RGS6: variants seen among roughly 807,000 people sequenced by gnomAD.
The protein encoded by RGS6 is regulator of G protein signaling 6, also known as regulator of G-protein signaling 6.
RGS6 carries 30 observed loss-of-function variants against 78.5 expected under a neutral mutation model. The observed-to-expected ratio is 0.38, with a 90% CI of 0.29 to 0.52. The LOEUF is 0.52. Among genes scored for constraint, RGS6 ranks in the 20% least tolerant of loss-of-function variants. The pLI is 0.85. For missense variants in RGS6, 495 were observed against 609.7 expected (o/e 0.81, Z 1.98); for synonymous variants, 206 against 206.0 (o/e 1.00, Z 0.00).
intron 2 of RGS6, among the ~76,000 whole-genome samples, chr14:72,326,225 G>A (rs1446604101): frequency 6.6e-6 from 1 of 152,152 alleles, no homozygotes; most frequent in Non-Finnish European, 1.5e-5. Flanking sequence ...CTATGTCCAC[G>A]AAGGATATAA....
intron 2 of RGS6, among the ~76,000 whole-genome samples, chr14:71,999,678 G>A (rs1329735962): frequency 6.6e-6 from 1 of 152,150 alleles, no homozygotes; most frequent in Admixed American, 6.5e-5. Context: ...GAGTTCTCAT[G>A]AGCTCTGGTT....
chr14:72,041,567 C>CT (rs2153379776), intron 2 of RGS6, among the ~76,000 whole-genome samples: 1 of 152,370 alleles, frequency 6.6e-6, no homozygotes, highest in African/African-American at 2.4e-5. Flanking sequence ...ATTCACTCCT[C>CT]TTTTCCTCCC....
chr14:71,947,135 C>T (rs2091642317), intron 1 of RGS6, among the ~76,000 whole-genome samples: 1 of 152,160 alleles, frequency 6.6e-6, no homozygotes, highest in Non-Finnish European at 1.5e-5. Context: ...CAAGGGCACT[C>T]CTCCATGCCA....
chr14:72,184,652 C>T (rs1398865982), intron 2 of RGS6, among the ~76,000 whole-genome samples: 2 of 152,152 alleles, frequency 1.3e-5, no homozygotes, highest in Admixed American at 1.3e-4. Context: ...GGGCATATTC[C>T]CTTATAGTTA....
intron 2 of RGS6, among the ~76,000 whole-genome samples, chr14:72,065,425 G>A (rs1472906639): frequency 6.6e-6 from 1 of 152,018 alleles, no homozygotes; most frequent in African/African-American, 2.4e-5. Context: ...TTATGTTTTG[G>A]GGTATATGAT....
chr14:72,314,844 C>G (rs529043267), intron 2 of RGS6, among the ~76,000 whole-genome samples: 2 of 152,314 alleles, frequency 1.3e-5, no homozygotes, highest in Non-Finnish European at 1.5e-5. Context: ...TTATGTAAAA[C>G]AGAGATAATG....
At chr14:72,509,921 C>T (rs925156366) in intron 13 of RGS6, among the ~76,000 whole-genome samples, 8 of 152,072 alleles carry the variant, frequency 5.3e-5, no homozygotes, top group African/African-American at 1.4e-4. Context: ...AAGGGCATGC[C>T]GGCAACCATC....
At chr14:72,250,121 G>A (rs1266158798) in intron 2 of RGS6, among the ~76,000 whole-genome samples, 1 of 150,164 alleles carries the variant, frequency 6.7e-6, no homozygotes, top group Non-Finnish European at 1.5e-5. Flanking sequence ...GGATAGCACT[G>A]GGAGATATAC....
At chr14:72,073,674 G>A (rs189104802) in intron 2 of RGS6, among the ~76,000 whole-genome samples, 203 of 152,268 alleles carry the variant, frequency 1.3e-3, no homozygotes, top group Non-Finnish European at 2.1e-3. Flanking sequence ...CCATGCAGAT[G>A]TGGTGAGAAC....
chr14:72,477,896 G>T (rs2096278851), intron 11 of RGS6, among the ~76,000 whole-genome samples: 1 of 152,154 alleles, frequency 6.6e-6, no homozygotes, highest in Non-Finnish European at 1.5e-5. Context: ...ACGTGCCTGT[G>T]AAAGGTGGGC....
rs58095812 is a variant in RGS6, at chr14:72,414,593, C to T, written c.185-39935C>T. Among the ~76,000 whole-genome samples the T allele has an allele frequency of 9.6e-3, 1,465 of 152,270 alleles. 30 individuals carry two copies. The highest frequency in any genetic ancestry group is 0.034 in the African/African-American group (1,412 of 41,532). On this transcript the variant is annotated intron_variant, in intron 3 of 17. Transcript: ENST00000553525. The stretch of plus-strand genomic sequence containing the variant: ...AGTCATTCTCCGTCCAGCTGTGTTC[C>T]GTTGCTGGTGAGGAGCTGCATTCCT...
At chr14:72,245,089 G>A (rs961269697) in intron 2 of RGS6, among the ~76,000 whole-genome samples, 15 of 152,198 alleles carry the variant, frequency 9.9e-5, no homozygotes, top group East Asian at 1.9e-4. Context: ...CGATATCAGC[G>A]TTGGGGAGGA....
chr14:71,917,993 G>A, the RGS6 span, among the ~76,000 whole-genome samples: 3 of 151,876 alleles, frequency 2.0e-5, no homozygotes, highest in East Asian at 1.9e-4. Context: ...CTAACACGGC[G>A]AAACCCCGTC....
At chr14:72,487,346 G>T (rs912077992) in intron 12 of RGS6, among the ~76,000 whole-genome samples, 11 of 152,160 alleles carry the variant, frequency 7.2e-5, no homozygotes, top group African/African-American at 2.7e-4. Context: ...CACATAAATT[G>T]CAGTCAAACT....
At chr14:72,367,337 T>A (rs970276182) in intron 3 of RGS6, among the ~76,000 whole-genome samples, 3 of 152,198 alleles carry the variant, frequency 2.0e-5, no homozygotes, top group South Asian at 2.1e-4. Flanking sequence ...CTGTATGAAT[T>A]TGGGAATGTG....
chr14:72,012,743 T>G (rs1470958915), intron 2 of RGS6, among the ~76,000 whole-genome samples: 3 of 152,200 alleles, frequency 2.0e-5, no homozygotes, highest in African/African-American at 7.2e-5. Context: ...GGACAGAATT[T>G]GAATTGTGCC....
chr14:72,290,748 A>G (rs984291305), intron 2 of RGS6, among the ~76,000 whole-genome samples: 3 of 152,170 alleles, frequency 2.0e-5, no homozygotes, highest in African/African-American at 4.8e-5. Context: ...GAAGTGCTCA[A>G]TTTGCACCTA....
the RGS6 span, among the ~76,000 whole-genome samples, chr14:72,621,358 C>T: frequency 6.6e-6 from 1 of 151,908 alleles, no homozygotes. Context: ...AGTTTCAGCT[C>T]TGTTCTATTT....
In RGS6 at chr14:72,384,626, A is replaced by G. The variant is rs116994496; in HGVS notation, c.184+32432A>G. On this transcript the variant is annotated intron_variant, in intron 3 of 17. Transcript: ENST00000553525. ...GTCAAATCCATAGGTGTACTCTGTGATCCTCTTTTCCGATCAGTTCCCCGA... is the reference window on the plus strand; with the variant it reads ...GTCAAATCCATAGGTGTACTCTGTGGTCCTCTTTTCCGATCAGTTCCCCGA... 7.9e-3 allele frequency among the ~76,000 whole-genome samples: 1,209 copies of G among 152,308 alleles called. 39 individuals carry two copies. Among genetic ancestry groups the G allele is most frequent in the East Asian group, 0.052 (269 of 5,180 alleles).
Sources: gnomAD v4.1 joint callset for allele counts (sites outside exome capture counted in the v4.1 genomes callset) on GRCh38, gnomAD v4.1.1 for gene constraint, MANE v1.5 for transcripts, NCBI Gene and HGNC (gene_info 2026-07-23, HGNC 2026-07-21) for gene names.